Variants in KIAA2012 observed in about 807,000 individuals in gnomAD.
KIAA2012 encodes the protein KIAA2012.
KIAA2012 carries 125 observed loss-of-function variants against 150.6 expected under a neutral mutation model. That is an observed-to-expected ratio of 0.83 (90% CI 0.72 to 0.96). KIAA2012 has a LOEUF of 0.96. KIAA2012 is among the 40% of genes least tolerant of loss of function. The pLI is 0.00. For missense variants in KIAA2012, 1,219 were observed against 1,354.9 expected, an observed-to-expected ratio of 0.90 and a Z score of 1.57; for synonymous variants, 462 against 504.7, an observed-to-expected ratio of 0.92 and a Z score of 1.13.
At chr2:202,088,570 C>T (rs995869933) in intron 2 of KIAA2012, among the ~76,000 whole-genome samples, 10 of 152,162 alleles carry the variant, frequency 6.6e-5, no homozygotes, top group Admixed American at 2.6e-4. Context: ...TTAGAAAGTG[C>T]TTTCACAAGT....
Position 202,140,121 on chromosome 2 carries a change from G to A in KIAA2012, c.1908+1613G>A, listed in dbSNP as rs559994599. ...CGCACATCTGTAATCCCAGCTACTC[G>A]GGAGGCTGAGGCAGGAGAATCGCTT... On this transcript the variant is annotated intron_variant, in intron 13 of 23. Transcript: ENST00000498697. Among the ~76,000 whole-genome samples, 23 of 152,240 alleles carry A rather than the reference G, an allele frequency of 1.5e-4. No homozygotes were observed. In the South Asian group the frequency reaches 2.1e-3, roughly 14 times the overall value.
chr2:202,191,284 C>G (rs866567345), intron 19 of KIAA2012, among the ~76,000 whole-genome samples: 1 of 152,026 alleles, frequency 6.6e-6, no homozygotes, highest in Non-Finnish European at 1.5e-5. Flanking sequence ...CTAAAAAAAA[C>G]AAAACCACAA....
intron 2 of KIAA2012, among the ~76,000 whole-genome samples, chr2:202,083,133 A>T (rs966597359): frequency 6.6e-6 from 1 of 152,216 alleles, no homozygotes; most frequent in African/African-American, 2.4e-5. Context: ...ACAACACTGC[A>T]TTAATGAGAA....
chr2:202,110,203 G>A (rs1690309882), intron 10 of KIAA2012, among the ~76,000 whole-genome samples: 1 of 152,156 alleles, frequency 6.6e-6, no homozygotes, highest in African/African-American at 2.4e-5. Context: ...TCCAGCCCAG[G>A]GCAGAGCCTG....
chr2:202,192,171 C>T (rs1213591730), intron 19 of KIAA2012, among the ~76,000 whole-genome samples: 2 of 152,142 alleles, frequency 1.3e-5, no homozygotes, highest in East Asian at 1.9e-4. Context: ...ATCAGCATTT[C>T]TTAGATTTAT....
chr2:202,130,595 A>T (rs1221207234), intron 12 of KIAA2012, among the ~76,000 whole-genome samples: 2 of 152,204 alleles, frequency 1.3e-5, no homozygotes, highest in Non-Finnish European at 2.9e-5. Context: ...CCCTTCAGAC[A>T]TTTATGTTGT....
chr2:202,145,933 C>A (rs1194508311), intron 13 of KIAA2012, among the ~76,000 whole-genome samples: 1 of 152,030 alleles, frequency 6.6e-6, no homozygotes, highest in Non-Finnish European at 1.5e-5. Flanking sequence ...GATCCACCCA[C>A]CTTGGCCTCC....
intron 2 of KIAA2012, among the ~76,000 whole-genome samples, chr2:202,085,369 A>C (rs1689538848): frequency 6.6e-6 from 1 of 152,204 alleles, no homozygotes; most frequent in African/African-American, 2.4e-5. Flanking sequence ...TGGATGATCC[A>C]GGTGGACCCA....
At chr2:202,145,790 T>G (rs1691283729) in intron 13 of KIAA2012, among the ~76,000 whole-genome samples, 1 of 150,902 alleles carries the variant, frequency 6.6e-6, no homozygotes, top group African/African-American at 2.4e-5. Context: ...ATTCAAGCGA[T>G]TCTCCTGCCT....
intron 11 of KIAA2012, chr2:202,116,867 C>G (rs781056990): frequency 6.6e-6 from 1 of 152,156 alleles, no homozygotes; most frequent in Non-Finnish European, 1.5e-5. Flanking sequence ...CCTCCTTGCT[C>G]TCTCTCTCGG....
At chr2:202,093,231 T>C (rs1174228087) in intron 4 of KIAA2012, 46 bp downstream of exon 4, 4 of 1,534,894 alleles carry the variant, frequency 2.6e-6, no homozygotes, top group Non-Finnish European at 3.5e-6. Flanking sequence ...TTCTCAGATA[T>C]TTGAATTGTT....
Position 202,099,807 on chromosome 2 carries a change from A to G in KIAA2012, c.1012+11A>G. The G allele has an allele frequency of 6.5e-7, 1 of 1,542,958 alleles. No homozygotes were observed. Among genetic ancestry groups the G allele is most frequent in the African/African-American group, 1.4e-5 (1 of 72,804 alleles). The stretch of plus-strand genomic sequence containing the variant: ...AGGCAGATCTCAGCGGTAAGAACTC[A>G]AATGTCTTGCTCATTGATCTGGGTA... On this transcript the variant is annotated intron_variant, in intron 6 of 23. Coordinates refer to ENST00000498697, the MANE Select transcript of KIAA2012 (RefSeq NM_001277372.4).
chr2:202,156,024 GA>G (rs1691518507), intron 14 of KIAA2012, among the ~76,000 whole-genome samples: 1 of 152,154 alleles, frequency 6.6e-6, no homozygotes, highest in African/African-American at 2.4e-5. Context: ...AATGGGAAGA[GA>G]AAGGATGTCT....
chr2:202,203,862 C>G (rs1200581558), intron 23 of KIAA2012, among the ~76,000 whole-genome samples: 1 of 151,850 alleles, frequency 6.6e-6, no homozygotes, highest in Non-Finnish European at 1.5e-5. Context: ...CTTCGCCTCC[C>G]GGGTTCACGC....
intron 15 of KIAA2012, among the ~76,000 whole-genome samples, chr2:202,174,029 G>T (rs191855801): frequency 6.6e-6 from 1 of 152,026 alleles, no homozygotes; most frequent in African/African-American, 2.4e-5. Flanking sequence ...GCAACGGCAC[G>T]ATCTCGGCTC....
At chr2:202,203,798 C>T (rs1212394331) in intron 23 of KIAA2012, among the ~76,000 whole-genome samples, 1 of 148,432 alleles carries the variant, frequency 6.7e-6, no homozygotes, top group Non-Finnish European at 1.5e-5. Flanking sequence ...GAGACGGAGT[C>T]TCGCTCTGTC....
intron 13 of KIAA2012, among the ~76,000 whole-genome samples, chr2:202,152,361 T>C (rs556982363): frequency 7.9e-5 from 12 of 152,302 alleles, no homozygotes; most frequent in Admixed American, 5.9e-4. Flanking sequence ...GGTCAAGTGC[T>C]TTGGGGAGAC....
At chr2:202,193,535 A>G (rs761921635) in intron 20 of KIAA2012, 32 bp downstream of exon 20, 16 of 1,546,538 alleles carry the variant, frequency 1.0e-5, no homozygotes, top group Non-Finnish European at 1.3e-5. Flanking sequence ...GACTACAGCC[A>G]TGTTAGGAAG....
Position 202,099,610 on chromosome 2 carries a change from T to TC in KIAA2012, c.829-3_829-2insC. 2 of 1,548,234 alleles carry TC rather than the reference T, an allele frequency of 1.3e-6. No individual in the cohort carries two copies. Among genetic ancestry groups the TC allele is most frequent in the South Asian group, 2.4e-5 (2 of 83,702 alleles). On this transcript the variant is annotated splice_polypyrimidine_tract_variant and splice_region_variant and intron_variant, in intron 5 of 23. Transcript: ENST00000498697. ...ACAGGAATGTGTATCTGTCGTTCCCTAGGACACGTCAATAGAGAATCACCT... is the reference window on the plus strand; with the variant it reads ...ACAGGAATGTGTATCTGTCGTTCCCTCAGGACACGTCAATAGAGAATCACCT...
Sources: allele counts gnomAD v4.1 joint callset (sites outside exome capture counted in the v4.1 genomes callset), GRCh38; gene constraint gnomAD v4.1.1; transcripts MANE v1.5; gene names NCBI Gene and HGNC (gene_info 2026-07-23, HGNC 2026-07-21).